Variants in GRIP1 observed in about 807,000 individuals in gnomAD.
The protein encoded by GRIP1 is glutamate receptor-interacting protein 1.
Under a neutral mutation model 129.9 loss-of-function variants are expected in GRIP1, and 45 were observed. The observed-to-expected ratio is 0.35, with a 90% CI of 0.27 to 0.44. The LOEUF (loss-of-function observed/expected upper bound fraction) is 0.44, where lower values mean the gene tolerates loss of function less well. Ranked by LOEUF, GRIP1 falls within the 20% of genes least tolerant of loss-of-function variation. The probability of loss-of-function intolerance (pLI) is 1.00; values close to 1 mark genes in which losing one functional copy is unlikely to be tolerated. For missense variants in GRIP1, 1,196 were observed against 1,396.8 expected (o/e 0.86, Z 2.29); for synonymous variants, 530 against 520.8 (o/e 1.02, Z -0.24).
intron 11 of GRIP1, among the ~76,000 whole-genome samples, chr12:66,448,726 G>A (rs1439410334): frequency 6.6e-6 from 1 of 152,118 alleles, no homozygotes; most frequent in Non-Finnish European, 1.5e-5. Context: ...ACAGAGCAAG[G>A]CCTCATCATC....
At chr12:66,526,867 A>C (rs2139058100) in intron 5 of GRIP1, among the ~76,000 whole-genome samples, 1 of 149,320 alleles carries the variant, frequency 6.7e-6, no homozygotes, top group African/African-American at 2.5e-5. Context: ...TGGGTGAAGG[A>C]TATGAACAGA....
At chr12:66,924,210 A>G (rs551179189) in intron 1 of GRIP1, among the ~76,000 whole-genome samples, 24 of 152,138 alleles carry the variant, frequency 1.6e-4, no homozygotes, top group Admixed American at 5.2e-4. Flanking sequence ...TTTAGTTCAC[A>G]CTGTATTTAA....
At chr12:66,594,303 A>G (rs1054192215) in intron 2 of GRIP1, among the ~76,000 whole-genome samples, 3 of 152,060 alleles carry the variant, frequency 2.0e-5, no homozygotes, top group Admixed American at 1.3e-4. Flanking sequence ...ACCTTGAGGG[A>G]AGTAGGATTG....
chr12:66,970,705 A>G (rs1117041), intron 1 of GRIP1, among the ~76,000 whole-genome samples: 106,289 of 151,832 alleles, frequency 0.7, 38,148 homozygotes, highest in African/African-American at 0.86. Context: ...GGGAAGGGAA[A>G]CATTCCATTT....
upstream of GRIP1, among the ~76,000 whole-genome samples, chr12:66,682,836 A>G (rs1250743668): frequency 6.6e-6 from 1 of 152,240 alleles, no homozygotes; most frequent in Non-Finnish European, 1.5e-5. Flanking sequence ...CAATTTGATT[A>G]AAGTGCTAAA....
chr12:66,538,828 A>G (rs931515), intron 4 of GRIP1, among the ~76,000 whole-genome samples: 103,796 of 151,748 alleles, frequency 0.68, 35,889 homozygotes, highest in African/African-American at 0.79. Context: ...GTCTCGAACC[A>G]CTGGGCTCAA....
At chr12:66,398,113 T>C (rs571173169) in intron 16 of GRIP1, among the ~76,000 whole-genome samples, 169 of 152,324 alleles carry the variant, frequency 1.1e-3, no homozygotes, top group African/African-American at 3.9e-3. Flanking sequence ...CAGTTTTTCA[T>C]AGCAATGGCT....
chr12:66,421,922 T>G (rs2057815758), intron 14 of GRIP1, among the ~76,000 whole-genome samples: 3 of 152,080 alleles, frequency 2.0e-5, no homozygotes, highest in Admixed American at 2.0e-4. Context: ...AAATCTTGGA[T>G]TAGAGGTTTG....
chr12:66,426,472 T>C (rs1167216484), intron 14 of GRIP1, among the ~76,000 whole-genome samples: 1 of 152,138 alleles, frequency 6.6e-6, no homozygotes. Flanking sequence ...TAGCGTCCAC[T>C]CCCTGCTCAC....
intron 2 of GRIP1, chr12:66,567,970 C>A: frequency 5.8e-6 from 1 of 173,638 alleles, no homozygotes; most frequent in South Asian, 1.5e-4. Flanking sequence ...GGCTTGTGGC[C>A]CCACCCTATG....
chr12:66,715,247 T>G (rs2035839602), intron 1 of GRIP1, among the ~76,000 whole-genome samples: 1 of 152,034 alleles, frequency 6.6e-6, no homozygotes, highest in Admixed American at 6.6e-5. Flanking sequence ...TATTTGGCCC[T>G]GCCCCCTTGG....
chr12:66,566,369 G>T (rs2062757147), intron 2 of GRIP1, among the ~76,000 whole-genome samples: 1 of 152,170 alleles, frequency 6.6e-6, no homozygotes. Context: ...TGCATCTATT[G>T]AGATAATCGT....
chr12:66,615,180 C>T (rs1360894389), intron 1 of GRIP1, among the ~76,000 whole-genome samples: 1 of 152,120 alleles, frequency 6.6e-6, no homozygotes, highest in South Asian at 2.1e-4. Context: ...ATTTTGAATG[C>T]ATTTCTAACC....
At chr12:66,410,249 C>CA (rs1177155122) in intron 15 of GRIP1, among the ~76,000 whole-genome samples, 737 of 47,414 alleles carry the variant, frequency 0.016, 75 homozygotes, top group African/African-American at 0.062. Context: ...GACTCCGTCT[C>CA]AAAAAAAAAA....
chr12:66,892,111 G>A (rs1268577372), intron 1 of GRIP1, among the ~76,000 whole-genome samples: 3 of 152,184 alleles, frequency 2.0e-5, no homozygotes, highest in Admixed American at 6.5e-5. Flanking sequence ...CAGAAGTGGT[G>A]TCAGGGTGAG....
chr12:66,778,155 T>C (rs1412615050), intron 1 of GRIP1, among the ~76,000 whole-genome samples: 9 of 152,208 alleles, frequency 5.9e-5, no homozygotes, highest in African/African-American at 1.9e-4. Flanking sequence ...CCTGTTTCTT[T>C]TGGCATTTTA....
At chr12:66,844,099 TCAA>T (rs2039769992) in intron 1 of GRIP1, among the ~76,000 whole-genome samples, 1 of 152,096 alleles carries the variant, frequency 6.6e-6, no homozygotes, top group South Asian at 2.1e-4. Flanking sequence ...ATCCTACAAC[TCAA>T]CAACAAAAAT....
At chr12:66,518,045 G>T (rs571829945) in intron 5 of GRIP1, 69 bp from the exon 6 acceptor site, 24 of 873,894 alleles carry the variant, frequency 2.7e-5, no homozygotes, top group Non-Finnish European at 4.7e-5. Flanking sequence ...TCACCTACAA[G>T]ATATCAGCTG....
chr12:67,048,692 G>T (rs969368770), intron 1 of GRIP1, among the ~76,000 whole-genome samples: 2 of 152,114 alleles, frequency 1.3e-5, no homozygotes, highest in Non-Finnish European at 2.9e-5. Flanking sequence ...AAACCCGAAG[G>T]CAGGTAATTG....
Sources: allele counts gnomAD v4.1 joint callset (sites outside exome capture counted in the v4.1 genomes callset), GRCh38; gene constraint gnomAD v4.1.1; transcripts MANE v1.5; gene names NCBI Gene and HGNC (gene_info 2026-07-23, HGNC 2026-07-21).